Variants in DOCK2 observed in about 807,000 individuals in gnomAD.
The protein encoded by DOCK2 is dedicator of cytokinesis 2.
DOCK2 carries 87 observed loss-of-function variants against 248.9 expected under a neutral mutation model. The ratio of observed to expected loss-of-function variants is 0.35; its 90% CI spans 0.29 to 0.42. The LOEUF is 0.42. Ranked by LOEUF, DOCK2 falls within the 10% of genes least tolerant of loss-of-function variation. The pLI, the probability that DOCK2 is intolerant of heterozygous loss-of-function variation, is 1.00. For synonymous variants in DOCK2, 805 were observed against 821.6 expected (o/e 0.98, Z 0.35); for missense variants, 1,747 against 2,300.2 (o/e 0.76, Z 4.92).
chr5:169,839,209 C>G (rs1205750716), intron 26 of DOCK2, among the ~76,000 whole-genome samples: 2 of 152,156 alleles, frequency 1.3e-5, no homozygotes, highest in East Asian at 1.9e-4. Context: ...CATCATGGTT[C>G]TTAGCCATCA....
rs1186134665 is a variant in DOCK2, at chr5:169,698,461, C to T, written c.1055+12C>T. ...ATTCCTTTTCACCCGTAAGACATTT[C>T]CCATTTCTTTCCATTCTCTTCAACC... On this transcript the variant is annotated intron_variant, in intron 11 of 51. Transcript: ENST00000520908. The T allele has an allele frequency of 5.0e-6, 8 of 1,613,682 alleles. No homozygotes were observed. The East Asian group carries it at 1.8e-4, about 36-fold the overall frequency.
intron 1 of DOCK2, among the ~76,000 whole-genome samples, chr5:169,651,414 C>G (rs1373553158): frequency 6.6e-6 from 1 of 152,184 alleles, no homozygotes; most frequent in Non-Finnish European, 1.5e-5. Flanking sequence ...CACCTTCTCA[C>G]CTGACATTGC....
chr5:170,062,375 T>C (rs1235592413), intron 44 of DOCK2, among the ~76,000 whole-genome samples: 1 of 152,106 alleles, frequency 6.6e-6, no homozygotes, highest in Non-Finnish European at 1.5e-5. Flanking sequence ...ATCAATTCCC[T>C]CTGAGAGAAA....
chr5:170,045,934 C>CAG (rs772338116), intron 39 of DOCK2, 29 bp downstream of exon 39: 61 of 1,608,750 alleles, frequency 3.8e-5, no homozygotes, highest in Non-Finnish European at 5.1e-5. Context: ...AGGCTGAATG[C>CAG]CCTGCAGGCT....
intron 15 of DOCK2, among the ~76,000 whole-genome samples, chr5:169,709,385 A>C (rs965933182): frequency 5.9e-5 from 9 of 152,096 alleles, no homozygotes; most frequent in African/African-American, 2.2e-4. Flanking sequence ...GTTTTGTGGA[A>C]TACTAAGTGG....
At chr5:169,698,643 T>G (rs1463518808) in intron 11 of DOCK2, among the ~76,000 whole-genome samples, 194 bp downstream of exon 11, 1 of 152,214 alleles carries the variant, frequency 6.6e-6, no homozygotes, top group Non-Finnish European at 1.5e-5. Context: ...CATTCATTCA[T>G]CAGATGTTAT....
chr5:169,907,683 G>A (rs1478452398), intron 27 of DOCK2, among the ~76,000 whole-genome samples: 1 of 152,190 alleles, frequency 6.6e-6, no homozygotes, highest in African/African-American at 2.4e-5. Context: ...AGATCACACA[G>A]CTGGAAAATG....
chr5:170,069,239 G>T lies in DOCK2; in HGVS notation c.4728+19G>T. Reference sequence around the variant, plus strand: ...ATGGCAGGTGAGGCAGCGCTGGCCAGGGGAGCATGCTGCTCTCCTTCCTCT... The same window carrying T: ...ATGGCAGGTGAGGCAGCGCTGGCCATGGGAGCATGCTGCTCTCCTTCCTCT... On this transcript the variant is annotated intron_variant, in intron 46 of 51. Transcript: ENST00000520908. The T allele has an allele frequency of 6.2e-7, 1 of 1,612,038 alleles. No homozygotes were observed. Among genetic ancestry groups the T allele is most frequent in the South Asian group, 1.1e-5 (1 of 90,660 alleles).
At chr5:170,038,894 C>T (rs1030681088) in intron 36 of DOCK2, among the ~76,000 whole-genome samples, 8 of 152,118 alleles carry the variant, frequency 5.3e-5, no homozygotes, top group African/African-American at 1.2e-4. Flanking sequence ...TCTAAGGCAT[C>T]GAGGATGGGC....
At chr5:169,863,046 G>A (rs980367208) in intron 27 of DOCK2, among the ~76,000 whole-genome samples, 3 of 152,206 alleles carry the variant, frequency 2.0e-5, no homozygotes, top group Non-Finnish European at 4.4e-5. Context: ...ATCCACAAGA[G>A]TATATAGCAA....
At chr5:169,867,020 A>G (rs545506797) in intron 27 of DOCK2, among the ~76,000 whole-genome samples, 1 of 152,306 alleles carries the variant, frequency 6.6e-6, no homozygotes, top group Non-Finnish European at 1.5e-5. Context: ...GACTAGCTTC[A>G]AGTTGGGGTT....
chr5:169,681,470 AACACATCCT>A lies in DOCK2; in HGVS notation c.471-272_471-264del, dbSNP rs1476000280. Among the ~76,000 whole-genome samples, 5 of 151,662 alleles carry A rather than the reference AACACATCCT, an allele frequency of 3.3e-5. No individual in the cohort carries two copies. In the East Asian group the frequency reaches 9.7e-4, roughly 29 times the overall value. ...TACTTGCTGATGTGAACAAGTCTGC[AACACATCCT>A]AGTTCAAGTGTTGGGTGTTTCAGTT... On this transcript the variant is annotated intron_variant, in intron 6 of 51. Transcript: ENST00000520908.
At chr5:169,821,526 C>T (rs1181373032) in intron 26 of DOCK2, among the ~76,000 whole-genome samples, 3 of 152,074 alleles carry the variant, frequency 2.0e-5, no homozygotes, top group African/African-American at 7.2e-5. Flanking sequence ...AACTAAGCTT[C>T]ATAAGTGAAG....
intron 22 of DOCK2, among the ~76,000 whole-genome samples, chr5:169,736,433 C>T (rs1189602389): frequency 2.0e-5 from 3 of 152,190 alleles, no homozygotes; most frequent in African/African-American, 7.2e-5. Flanking sequence ...TCTAGTGCCT[C>T]TCCATTGCAG....
At chr5:169,832,310 A>G (rs935603523) in intron 26 of DOCK2, among the ~76,000 whole-genome samples, 2 of 152,144 alleles carry the variant, frequency 1.3e-5, no homozygotes, top group African/African-American at 4.8e-5. Flanking sequence ...ACCAACTCCA[A>G]CCCTTGTCTT....
In DOCK2 at chr5:169,823,050, C is replaced by A. The variant is rs994101905; in HGVS notation, c.2704-17707C>A. On this transcript the variant is annotated intron_variant, in intron 26 of 51. Coordinates refer to ENST00000520908, the MANE Select transcript of DOCK2 (RefSeq NM_004946.3). ...ATGGATAAATTCCTCCATACATACA[C>A]CCTCCCAAGACTAAACCAAGAAGAA... Among the ~76,000 whole-genome samples the A allele has an allele frequency of 2.6e-5, 4 of 152,302 alleles. No individual in the cohort carries two copies. The South Asian group carries it at 8.3e-4, about 32-fold the overall frequency.
chr5:169,927,702 C>T (rs550361169), intron 27 of DOCK2, among the ~76,000 whole-genome samples: 21 of 152,330 alleles, frequency 1.4e-4, no homozygotes, highest in East Asian at 1.2e-3. Flanking sequence ...CTGCAAGCTC[C>T]GCTTCCCGAG....
chr5:169,811,512 A>G (rs1280721428), intron 26 of DOCK2, among the ~76,000 whole-genome samples: 2 of 152,188 alleles, frequency 1.3e-5, no homozygotes, highest in African/African-American at 2.4e-5. Flanking sequence ...GTTGAAATAC[A>G]TGAGATCACT....
intron 26 of DOCK2, among the ~76,000 whole-genome samples, chr5:169,821,026 A>G (rs1768402544): frequency 6.6e-6 from 1 of 152,238 alleles, no homozygotes; most frequent in Non-Finnish European, 1.5e-5. Context: ...TCTGTGATGG[A>G]AGATCAAATG....
Sources: allele counts gnomAD v4.1 joint callset (sites outside exome capture counted in the v4.1 genomes callset), GRCh38; gene constraint gnomAD v4.1.1; transcripts MANE v1.5; gene names NCBI Gene and HGNC (gene_info 2026-07-23, HGNC 2026-07-21).